ALMS1: variants seen among roughly 807,000 people sequenced by gnomAD.
The protein encoded by ALMS1 is centrosome-associated protein ALMS1.
Under a neutral mutation model 352.2 loss-of-function variants are expected in ALMS1, and 271 were observed. That is an observed-to-expected ratio of 0.77 (90% CI 0.70 to 0.85). The LOEUF is 0.85. ALMS1 is among the 40% of genes least tolerant of loss of function. The pLI, the probability that ALMS1 is intolerant of heterozygous loss-of-function variation, is 0.00. For missense variants in ALMS1, 5,445 were observed against 4,870.7 expected (o/e 1.12, Z -3.51); for synonymous variants, 1,865 against 1,761.2 (o/e 1.06, Z -1.48).
chr2:73,530,736 C>T lies in ALMS1; in HGVS notation c.9782-4088C>T, dbSNP rs72911333. Among the ~76,000 whole-genome samples the T allele has an allele frequency of 4.1e-3, 620 of 152,368 alleles. 6 individuals carry two copies. Among genetic ancestry groups the T allele is most frequent in the African/African-American group, 0.012 (517 of 41,592 alleles). ...CCCCTGCAGCAGACTTCTTCCTGGA[C>T]ATCTAGGCATTCATATATCCTCTGA... On this transcript the variant is annotated intron_variant, in intron 11 of 22. Transcript: ENST00000613296.
At chr2:73,478,406 T>C (rs1295940817) in intron 9 of ALMS1, among the ~76,000 whole-genome samples, 5 of 152,120 alleles carry the variant, frequency 3.3e-5, no homozygotes, top group African/African-American at 9.7e-5. Context: ...TTGTAAGATA[T>C]AATTGTTGGA....
At position 73,450,725 on chromosome 2, in the gene ALMS1, C is replaced by A. The variant is rs776934660; in HGVS notation, c.4198C>A (p.His1400Asn). The A allele has an allele frequency of 1.9e-6, 3 of 1,613,278 alleles. No homozygotes were observed. The highest frequency in any genetic ancestry group is 1.7e-6 in the Non-Finnish European group (2 of 1,179,596). ...IFYQQSLPGSHLTEEAKNVSA... is the reference protein window; with the variant it reads ...IFYQQSLPGSNLTEEAKNVSA... ...CTACCAACAGTCGTTGCCAGGTAGT[C>A]ATCTAACTGAAGAGGCTAAGAACGT... The change falls in exon 8 of 23, where the codon CAT (histidine) becomes AAT (asparagine). Residue 1400 changes from histidine to asparagine, a missense_variant. Physicochemically the swap from His to Asn is moderately conservative, Grantham distance 68. Transcript: ENST00000613296.
At chr2:73,478,412 T>C (rs1672625470) in intron 9 of ALMS1, among the ~76,000 whole-genome samples, 1 of 152,148 alleles carries the variant, frequency 6.6e-6, no homozygotes, top group Non-Finnish European at 1.5e-5. Context: ...GATATAATTG[T>C]TGGAAAGGAA....
intron 7 of ALMS1, among the ~76,000 whole-genome samples, chr2:73,437,963 G>A (rs1308730958): frequency 5.9e-5 from 9 of 152,004 alleles, no homozygotes; most frequent in Non-Finnish European, 8.8e-5. Context: ...AAAAAATCAC[G>A]CTCTTTTCTT....
intron 6 of ALMS1, among the ~76,000 whole-genome samples, chr2:73,429,498 G>C (rs1325155772): frequency 2.6e-5 from 4 of 152,042 alleles, no homozygotes; most frequent in African/African-American, 9.7e-5. Context: ...GGACAGGCTA[G>C]TCTCGAATTC....
intron 9 of ALMS1, among the ~76,000 whole-genome samples, chr2:73,471,520 C>G (rs1000548891): frequency 7.5e-6 from 1 of 133,010 alleles, no homozygotes; most frequent in African/African-American, 2.8e-5. Flanking sequence ...ATCCCCAAAA[C>G]AAAAAACAAA....
At position 73,391,427 on chromosome 2, in the gene ALMS1, G is replaced by A. The variant is rs186940120; in HGVS notation, c.324+5235G>A. Among the ~76,000 whole-genome samples the A allele has an allele frequency of 4.1e-3, 607 of 149,690 alleles. 1 individual carries two copies. Among genetic ancestry groups the A allele is most frequent in the Non-Finnish European group, 5.8e-3 (392 of 67,784 alleles). ...TCCTGCCTCAGCCTCCCGAGTAGCT[G>A]CGACTACAGGCGCCCGCCACCACGC... On this transcript the variant is annotated intron_variant, in intron 1 of 22. Transcript: ENST00000613296.
intron 2 of ALMS1, among the ~76,000 whole-genome samples, chr2:73,413,946 A>G (rs969044141): frequency 1.3e-5 from 2 of 152,166 alleles, no homozygotes; most frequent in African/African-American, 4.8e-5. Context: ...CTGTCTTAAA[A>G]TCAGGTTGTG....
rs766323360 is a variant in ALMS1 at position 73,449,519 on chromosome 2, GTACC to G, written c.2994_2997del (p.Pro999GlnfsTer28). ...CCAGAAGACTGTCCCAACACCAACA[GTACC>G]TTCAGGTTCCTTCTCACATAGAGAG... On this transcript the variant is annotated frameshift_variant, in exon 8 of 23. Coordinates refer to ENST00000613296, the MANE Select transcript of ALMS1 (RefSeq NM_001378454.1). LOFTEE classifies it high-confidence loss of function. The G allele has an allele frequency of 5.0e-6, 8 of 1,613,938 alleles. No individual in the cohort carries two copies. The South Asian group carries it at 8.8e-5, about 18-fold the overall frequency.
At position 73,448,519 on chromosome 2, in the gene ALMS1, A is replaced by G. The variant is rs894774935; in HGVS notation, c.1992A>G (p.Val664=). 3 of 1,613,836 alleles carry G rather than the reference A, an allele frequency of 1.9e-6. No homozygotes were observed. The highest frequency in any genetic ancestry group is 2.5e-6 in the Non-Finnish European group (3 of 1,179,906). ...PVEQKTGIPT[V]SSTSHSHVED... The stretch of plus-strand genomic sequence containing the variant: ...AGCAGAAGACGGGAATACCTACAGT[A>G]TCCTCTACATCCCACTCACATGTAG... The change falls in exon 8 of 23, where the codon GTA becomes GTG. Residue 664 remains valine, a synonymous_variant. Coordinates refer to ENST00000613296, the MANE Select transcript of ALMS1 (RefSeq NM_001378454.1).
chr2:73,594,121 CTA>C (rs1334801846), intron 16 of ALMS1, among the ~76,000 whole-genome samples: 1 of 152,160 alleles, frequency 6.6e-6, no homozygotes, highest in African/African-American at 2.4e-5. Context: ...TATGACAACT[CTA>C]TGTTTAACCA....
At chr2:73,514,885 C>G (rs949869495) in intron 10 of ALMS1, among the ~76,000 whole-genome samples, 1 of 152,086 alleles carries the variant, frequency 6.6e-6, no homozygotes, top group African/African-American at 2.4e-5. Context: ...TATTTTTGCA[C>G]CTTTGATTTT....
chr2:73,449,282 C>G lies in ALMS1; in HGVS notation c.2755C>G (p.Gln919Glu), dbSNP rs1322100078. Residue 919 changes from glutamine to glutamate, a missense_variant, in exon 8 of 23, where the codon CAG becomes GAG. By Grantham distance (29) the Gln-to-Glu change is conservative. Coordinates refer to ENST00000613296, the MANE Select transcript of ALMS1 (RefSeq NM_001378454.1). ...SHREKPIIFS[Q>E]QTLPDFLFPE... ...CAGAGAGAAGCCCATTATTTTTTCC[C>G]AGCAGACCCTGCCAGACTTTCTTTT... 1.2e-6 allele frequency: 2 copies of G among 1,614,020 alleles called. No individual in the cohort carries two copies. The highest frequency in any genetic ancestry group is 8.5e-7 in the Non-Finnish European group (1 of 1,179,976).
At chr2:73,596,072 G>C (rs1251315571) in intron 16 of ALMS1, among the ~76,000 whole-genome samples, 2 of 152,156 alleles carry the variant, frequency 1.3e-5, no homozygotes, top group African/African-American at 4.8e-5. Flanking sequence ...CCCAGGCTGT[G>C]GCTTTTGAAT....
chr2:73,516,388 A>AT (rs1410980715), intron 10 of ALMS1, among the ~76,000 whole-genome samples: 1 of 152,198 alleles, frequency 6.6e-6, no homozygotes, highest in African/African-American at 2.4e-5. Flanking sequence ...AACTGTGGAG[A>AT]TTCCTTAAAG....
chr2:73,417,757 C>T (rs1671204944), intron 2 of ALMS1, among the ~76,000 whole-genome samples: 1 of 152,036 alleles, frequency 6.6e-6, no homozygotes, highest in South Asian at 2.1e-4. Flanking sequence ...GTGTTCATTT[C>T]TAATCAAATT....
chr2:73,491,377 C>G lies in ALMS1; in HGVS notation c.9418C>G (p.Gln3140Glu). The G allele has an allele frequency of 1.2e-6, 2 of 1,614,146 alleles. No individual in the cohort carries two copies. The highest frequency in any genetic ancestry group is 1.7e-6 in the Non-Finnish European group (2 of 1,179,996). The change falls in exon 10 of 23, where the codon CAG (glutamine) becomes GAG (glutamate). Residue 3140 changes from glutamine to glutamate, a missense_variant. Transcript: ENST00000613296. ...PSLPDSNTIT[Q>E]DLKTIPSQNS... ...TCTTCCAGACAGTAACACTATTACTCAGGACTTGAAAACCATACCTTCTCA... is the reference window on the plus strand; with the variant it reads ...TCTTCCAGACAGTAACACTATTACTGAGGACTTGAAAACCATACCTTCTCA...
At chr2:73,445,746 C>G (rs1037612801) in intron 7 of ALMS1, among the ~76,000 whole-genome samples, 2 of 150,192 alleles carry the variant, frequency 1.3e-5, no homozygotes, top group African/African-American at 4.9e-5. Flanking sequence ...AAGAGGCATA[C>G]AGTTCCCACC....
rs762725941 is a variant in ALMS1 at position 73,417,634 on chromosome 2, A to T, written c.451-1489A>T. Among the ~76,000 whole-genome samples, 69 of 152,114 alleles carry T rather than the reference A, an allele frequency of 4.5e-4. 1 individual carries two copies. Among genetic ancestry groups the T allele is most frequent in the Non-Finnish European group, 4.3e-4 (29 of 68,032 alleles). ...ATTAAGCGCTTTAGCCCAGAGTTTG[A>T]GTCCATCCTGGGCAACATAGCAAGA... On this transcript the variant is annotated intron_variant, in intron 2 of 22. Transcript: ENST00000613296.
Sources: gnomAD v4.1 joint callset for allele counts (sites outside exome capture counted in the v4.1 genomes callset) on GRCh38, gnomAD v4.1.1 for gene constraint, MANE v1.5 for transcripts, NCBI Gene and HGNC (gene_info 2026-07-23, HGNC 2026-07-21) for gene names.